Variants in MYO1C observed in about 807,000 individuals in gnomAD.
MYO1C encodes the protein unconventional myosin-Ic.
Under a neutral mutation model 150.8 loss-of-function variants are expected in MYO1C, and 104 were observed. The ratio of observed to expected loss-of-function variants is 0.69; its 90% CI spans 0.59 to 0.81. MYO1C has a LOEUF of 0.81. Ranked by LOEUF, MYO1C falls within the 30% of genes least tolerant of loss-of-function variation. The pLI is 0.00. For synonymous variants in MYO1C, 663 were observed against 579.9 expected, an observed-to-expected ratio of 1.14 and a Z score of -2.06; for missense variants, 1,504 against 1,435.0, an observed-to-expected ratio of 1.05 and a Z score of -0.78.
chr17:1,489,583 G>C (rs2074706442), intron 1 of MYO1C, among the ~76,000 whole-genome samples: 1 of 152,208 alleles, frequency 6.6e-6, no homozygotes, highest in African/African-American at 2.4e-5. Flanking sequence ...GGAAGGCTAA[G>C]GTGGGAGGAT....
In MYO1C at chr17:1,467,539, C is replaced by G; in HGVS notation, c.3006G>C (p.Thr1002=). 2 of 1,613,560 alleles carry G rather than the reference C, an allele frequency of 1.2e-6. No individual in the cohort carries two copies. The highest frequency in any genetic ancestry group is 2.2e-5 in the East Asian group (1 of 44,858). ...TGGCACTGAGGGCTGTCTTGGTCAG[C>G]GTCTCAATCACGTGGTCACTCTGCA... ...VVLQSDHVIE[T]LTKTALSANR... The change falls in exon 30 of 32, where the codon ACG becomes ACC. Residue 1002 remains threonine, a synonymous_variant. Transcript: ENST00000648651.
intron 1 of MYO1C, among the ~76,000 whole-genome samples, chr17:1,490,257 G>A (rs1004414271): frequency 6.6e-6 from 1 of 151,716 alleles, no homozygotes; most frequent in Non-Finnish European, 1.5e-5. Context: ...CAGCACTTTG[G>A]TAGGCCTAGG....
In MYO1C at chr17:1,465,430, A is replaced by C. The variant is rs2074150397; in HGVS notation, c.*296T>G. 3 of 342,498 alleles carry C rather than the reference A, an allele frequency of 8.8e-6. No individual in the cohort carries two copies. Among genetic ancestry groups the C allele is most frequent in the Non-Finnish European group, 1.6e-5 (3 of 190,626 alleles). The allele number at this position is 342,498 out of a possible 1,614,324, so 21.2% of individuals were successfully genotyped here. A position where few individuals can be genotyped will look rare whatever the true frequency, so the allele number is the denominator to read the frequency against. ...CTATAAAGCATCAAAAAAACCTCAG[A>C]GAAAACCTCAGCAAAAGTTCCCTTC... On this transcript the variant is annotated 3_prime_UTR_variant, in exon 32 of 32. Transcript: ENST00000648651.
rs765553303 is a variant in MYO1C, at chr17:1,467,228, C to G, written c.3165+14G>C. 1.2e-6 allele frequency: 2 copies of G among 1,604,344 alleles called. No homozygotes were observed. The highest frequency in any genetic ancestry group is 1.7e-6 in the Non-Finnish European group (2 of 1,174,820). On this transcript the variant is annotated intron_variant, in intron 31 of 31. Transcript: ENST00000648651. ...CACAGCCAGGCCATAAGCGGGAAAG[C>G]AGGCCCCACTCACCACAGCCAGGTG...
chr17:1,470,264 G>A lies in MYO1C; in HGVS notation c.2437C>T (p.Arg813Cys), dbSNP rs77445493. 1.5e-3 allele frequency: 2,388 copies of A among 1,602,966 alleles called. 35 individuals carry two copies. In the African/African-American group the frequency reaches 0.026, roughly 17 times the overall value. ...PENAFFLDHV[R>C]TSFLLNLRRQ... ...CTCAGGTTTAGCAAAAAAGAGGTGC[G>A]CACATGGTCCAGGAAGAAGGCGTTC... Residue 813 changes from arginine to cysteine, a missense_variant, in exon 24 of 32, where the codon CGC (arginine) becomes TGC (cysteine). By Grantham distance (180) the Arg-to-Cys change is radical. Coordinates refer to ENST00000648651, the MANE Select transcript of MYO1C (RefSeq NM_001080779.2).
chr17:1,488,909 C>A (rs2074697910), intron 1 of MYO1C, among the ~76,000 whole-genome samples: 4 of 152,158 alleles, frequency 2.6e-5, no homozygotes, highest in African/African-American at 9.7e-5. Context: ...CAGACCTGGG[C>A]TATCTAGTGC....
chr17:1,481,123 T>C (rs945103737), intron 5 of MYO1C: 2 of 564,066 alleles, frequency 3.5e-6, no homozygotes, highest in South Asian at 2.0e-5. Context: ...CTGACAGGTA[T>C]CGCAAATTCA....
rs771841807 is a variant in MYO1C, at chr17:1,473,180, AC to A, written c.1798-953del. ...GCGCCACTGCACTCCAGCCTGGGTG[AC>A]AGAGCGAGACTCCGTCTCAAAAACA... is the stretch of plus-strand genomic sequence containing the variant. On this transcript the variant is annotated intron_variant, in intron 17 of 31. Transcript: ENST00000648651. 1.4e-4 allele frequency among the ~76,000 whole-genome samples: 22 copies of A among 152,332 alleles called. No individual in the cohort carries two copies. In the East Asian group the frequency reaches 4.3e-3, roughly 29 times the overall value.
chr17:1,474,600 ACCT>A lies in MYO1C; in HGVS notation c.1797+7_1797+9del. The A allele has an allele frequency of 6.2e-7, 1 of 1,613,376 alleles. No individual in the cohort carries two copies. The highest frequency in any genetic ancestry group is 8.5e-7 in the Non-Finnish European group (1 of 1,179,832). ...ATGCACCCCTGCGCCCGGTCCCGCC[ACCT>A]CCTCACCGTCTCTGGCCGCTTCTTG... On this transcript the variant is annotated splice_region_variant and intron_variant, in intron 17 of 31. Transcript: ENST00000648651.
intron 31 of MYO1C, among the ~76,000 whole-genome samples, chr17:1,466,153 C>CTTTT (rs71148490): frequency 0.015 from 1,386 of 91,548 alleles, 99 homozygotes; most frequent in African/African-American, 0.053. Flanking sequence ...GCCGTGCTGC[C>CTTTT]TTTTTTTTTT....
At chr17:1,476,774 A>G (rs1302663742) in intron 14 of MYO1C, among the ~76,000 whole-genome samples, 1 of 152,188 alleles carries the variant, frequency 6.6e-6, no homozygotes, top group African/African-American at 2.4e-5. Context: ...AAGGAAGATG[A>G]AAAATCTTAG....
intron 7 of MYO1C, among the ~76,000 whole-genome samples, chr17:1,480,263 A>G (rs1466620654): frequency 1.1e-4 from 16 of 151,752 alleles, no homozygotes; most frequent in Non-Finnish European, 2.2e-4. Flanking sequence ...GCTGGCCAAC[A>G]TGGTGAAACT....
chr17:1,474,970 T>C lies in MYO1C; in HGVS notation c.1637A>G (p.His546Arg). 6.4e-7 allele frequency: 1 copy of C among 1,570,934 alleles called. No homozygotes were observed. Among genetic ancestry groups the C allele is most frequent in the South Asian group, 1.2e-5 (1 of 86,734 alleles). ...GCTGTAGGTCACCTCCCCCGCATAGTGCAGAAGGCGGAATTCCCCTCGGCC... is the reference window on the plus strand; with the variant it reads ...GCTGTAGGTCACCTCCCCCGCATAGCGCAGAAGGCGGAATTCCCCTCGGCC... ...SLGRGEFRLL[H>R]YAGEVTYSVT... The change falls in exon 15 of 32, where the codon CAC becomes CGC. Residue 546 changes from histidine to arginine, a missense_variant. By Grantham distance (29) the His-to-Arg change is conservative. Transcript: ENST00000648651.
At position 1,465,512 on chromosome 17, in the gene MYO1C, T is replaced by C. The variant is rs906732254; in HGVS notation, c.*214A>G. 8 of 435,008 alleles carry C rather than the reference T, an allele frequency of 1.8e-5. No homozygotes were observed. The highest frequency in any genetic ancestry group is 2.8e-5 in the Non-Finnish European group (7 of 253,760). The allele number at this position is 435,008 out of a possible 1,614,324, so 26.9% of individuals were successfully genotyped here. On this transcript the variant is annotated 3_prime_UTR_variant, in exon 32 of 32. Coordinates refer to ENST00000648651, the MANE Select transcript of MYO1C (RefSeq NM_001080779.2). Reference sequence around the variant, plus strand: ...GCATGGCTCGCTCTGGCCCTGGCTTTCCTATTGCTGTGGCCCGGCCTGGCC... The same window carrying C: ...GCATGGCTCGCTCTGGCCCTGGCTTCCCTATTGCTGTGGCCCGGCCTGGCC...
At chr17:1,476,873 CTG>C (rs2074412036) in intron 14 of MYO1C, among the ~76,000 whole-genome samples, 1 of 151,846 alleles carries the variant, frequency 6.6e-6, no homozygotes, top group South Asian at 2.1e-4. Context: ...AAGTCTCACT[CTG>C]TCGCTCAGGC....
intron 14 of MYO1C, among the ~76,000 whole-genome samples, chr17:1,475,824 GA>G (rs1457705971): frequency 1.3e-5 from 2 of 152,204 alleles, no homozygotes; most frequent in Non-Finnish European, 2.9e-5. Context: ...CAGGGGCCCC[GA>G]AGGGCTGGGT....
Position 1,484,234 on chromosome 17 carries a change from G to A in MYO1C, c.145C>T (p.Gln49Ter), listed in dbSNP as rs1324276026. The A allele has an allele frequency of 1.2e-6, 2 of 1,612,798 alleles. No homozygotes were observed. The highest frequency in any genetic ancestry group is 1.7e-6 in the Non-Finnish European group (2 of 1,180,022). Reference protein sequence around the residue: ...ALTARDRVGVQDFVLLENFTS... With the variant: ...ALTARDRVGV Reference sequence around the variant, plus strand: ...AAGTTCTCCAGCAGCACGAAATCCTGCACCCCCACCCGGTCACGGGCGGTG... The same window carrying A: ...AAGTTCTCCAGCAGCACGAAATCCTACACCCCCACCCGGTCACGGGCGGTG... The change falls in exon 2 of 32, where the codon CAG (glutamine) becomes TAG (stop). Residue 49 changes from glutamine (Q) to a stop codon, truncating the protein, a stop_gained. Coordinates refer to ENST00000648651, the MANE Select transcript of MYO1C (RefSeq NM_001080779.2). LOFTEE classifies it high-confidence loss of function.
chr17:1,466,813 G>C (rs544639246), intron 31 of MYO1C, among the ~76,000 whole-genome samples: 6 of 152,022 alleles, frequency 3.9e-5, no homozygotes, highest in African/African-American at 2.4e-5. Flanking sequence ...TATTAGTAGA[G>C]ATGGGGTTTC....
chr17:1,478,718 G>C lies in MYO1C; in HGVS notation c.1110C>G (p.Asn370Lys), dbSNP rs1361294854. The change falls in exon 10 of 32, where the codon AAC becomes AAG. Residue 370 changes from asparagine to lysine, a missense_variant. Coordinates refer to ENST00000648651, the MANE Select transcript of MYO1C (RefSeq NM_001080779.2). The surrounding 1 kb of genome is among the most constrained non-coding windows in gnomAD (Gnocchi z 6.3). The stretch of plus-strand genomic sequence containing the variant: ...CTCGTGCGTACGCGGCCTGCTCCAG[G>C]TTCAGCGGGCTCAGGAGCTGTGGAC... ...AKGEELLSPL[N>K]LEQAAYARDA... is the part of the protein sequence containing the mutation. 8 of 1,614,028 alleles carry C rather than the reference G, an allele frequency of 5.0e-6. No individual in the cohort carries two copies. Among genetic ancestry groups the C allele is most frequent in the Non-Finnish European group, 5.9e-6 (7 of 1,180,048 alleles).
Sources: gnomAD v4.1 joint callset for allele counts (sites outside exome capture counted in the v4.1 genomes callset) on GRCh38, gnomAD v4.1.1 for gene constraint, Gnocchi (gnomAD v3.1) non-coding constraint, MANE v1.5 for transcripts, NCBI Gene and HGNC (gene_info 2026-07-23, HGNC 2026-07-21) for gene names.